Variants in SULF1 observed in about 807,000 individuals in gnomAD.
SULF1 encodes the protein extracellular sulfatase Sulf-1.
Under a neutral mutation model 110.5 loss-of-function variants are expected in SULF1, and 46 were observed. The ratio of observed to expected loss-of-function variants is 0.42; its 90% confidence interval spans 0.33 to 0.53. SULF1 has a LOEUF of 0.53. SULF1 is among the 20% of genes least tolerant of loss of function. SULF1 has a pLI of 0.12. For missense variants in SULF1, 941 were observed against 1,094.2 expected, an observed-to-expected ratio of 0.86 and a Z score of 1.98; for synonymous variants, 371 against 387.1, an observed-to-expected ratio of 0.96 and a Z score of 0.49.
At chr8:69,621,860 C>G (rs958602392) in intron 14 of SULF1, among the ~76,000 whole-genome samples, 2 of 152,110 alleles carry the variant, frequency 1.3e-5, no homozygotes, top group Non-Finnish European at 2.9e-5. Context: ...TGTGAAAATC[C>G]ACGGGCTGAC....
At chr8:69,521,841 TAAA>T (rs75983618) in intron 3 of SULF1, among the ~76,000 whole-genome samples, 17 of 110,144 alleles carry the variant, frequency 1.5e-4, no homozygotes, top group Non-Finnish European at 1.4e-4. Flanking sequence ...TGGGCCAAGG[TAAA>T]AAAAAAAAAA....
Position 69,629,679 on chromosome 8 carries a change from CG to C in SULF1, c.2284+1del, listed in dbSNP as rs767992951. ...CTGGCAGACAGCCCCGTTCTGGAAC[CG>C]TAAGTTGCTTGTTCCAAATGCCACT... On this transcript the variant is annotated splice_donor_variant, in intron 19 of 22. Transcript: ENST00000402687. LOFTEE classifies it high-confidence loss of function. The C allele has an allele frequency of 6.3e-7, 1 of 1,596,896 alleles. No individual in the cohort carries two copies. Among genetic ancestry groups the C allele is most frequent in the South Asian group, 1.1e-5 (1 of 88,472 alleles).
chr8:69,563,818 G>A, intron 4 of SULF1, 98 bp from the exon 5 acceptor site: 1 of 683,328 alleles, frequency 1.5e-6, no homozygotes. Context: ...CAGCTTATGT[G>A]CCAATACTGA....
chr8:69,601,688 A>T lies in SULF1; in HGVS notation c.920A>T (p.Glu307Val). Residue 307 changes from glutamate to valine, a missense_variant, in exon 10 of 23, where the codon GAG becomes GTG. Glu to Val is a moderately radical substitution (Grantham distance 121). Coordinates refer to ENST00000402687, the MANE Select transcript of SULF1 (RefSeq NM_001128205.2). ...YNMLVETGEL[E>V]NTYIIYTADH... ...ATGCTCGTGGAGACGGGGGAGCTGG[A>T]GAATACTTACATCATTTACACCGCC... 1 of 1,612,578 alleles carries T rather than the reference A, an allele frequency of 6.2e-7. No individual in the cohort carries two copies. Among genetic ancestry groups the T allele is most frequent in the Non-Finnish European group, 8.5e-7 (1 of 1,179,392 alleles).
In SULF1 at chr8:69,659,142, A is replaced by G. The variant is rs959362867; in HGVS notation, c.*607A>G. 8.8e-6 allele frequency: 4 copies of G among 456,668 alleles called. No homozygotes were observed. The highest frequency in any genetic ancestry group is 6.9e-5 in the East Asian group (1 of 14,412). The allele number at this position is 456,668 out of a possible 1,614,324, so 28.3% of individuals were successfully genotyped here. A position where few individuals can be genotyped will look rare whatever the true frequency, so the allele number is the denominator to read the frequency against. On this transcript the variant is annotated 3_prime_UTR_variant, in exon 23 of 23. Coordinates refer to ENST00000402687, the MANE Select transcript of SULF1 (RefSeq NM_001128205.2). ...GAAAGGACATTTTTGAAGATCAACTATATCTTCCTGTGCATTCCGATGGAA... is the reference window on the plus strand; with the variant it reads ...GAAAGGACATTTTTGAAGATCAACTGTATCTTCCTGTGCATTCCGATGGAA...
intron 13 of SULF1, among the ~76,000 whole-genome samples, chr8:69,619,238 C>T (rs915125062): frequency 1.2e-4 from 18 of 152,014 alleles, no homozygotes; most frequent in African/African-American, 4.3e-4. Flanking sequence ...AGAAAAGTTT[C>T]AGTAGATAAT....
chr8:69,651,301 C>A (rs1458036843), intron 22 of SULF1, among the ~76,000 whole-genome samples: 1 of 152,094 alleles, frequency 6.6e-6, no homozygotes, highest in East Asian at 1.9e-4. Context: ...GATCCGCCCA[C>A]CTCAGCCTTC....
chr8:69,616,082 A>C (rs1289054859), intron 13 of SULF1, among the ~76,000 whole-genome samples: 1 of 138,114 alleles, frequency 7.2e-6, no homozygotes, highest in Non-Finnish European at 1.6e-5. Context: ...GTGTATATAT[A>C]ATGTGTATAT....
chr8:69,501,721 G>A (rs1022377163), intron 2 of SULF1, among the ~76,000 whole-genome samples, 153 bp from the exon 3 acceptor site: 7 of 152,164 alleles, frequency 4.6e-5, no homozygotes, highest in Non-Finnish European at 8.8e-5. Flanking sequence ...AGACTCTTGC[G>A]AGTGATTGTA....
chr8:69,506,251 C>CACAA (rs1174427180), intron 3 of SULF1, among the ~76,000 whole-genome samples: 14 of 152,192 alleles, frequency 9.2e-5, no homozygotes, highest in African/African-American at 3.4e-4. Context: ...CACACACACA[C>CACAA]ACACACACAA....
intron 5 of SULF1, among the ~76,000 whole-genome samples, chr8:69,575,319 C>G (rs1273845517): frequency 6.6e-6 from 1 of 151,888 alleles, no homozygotes; most frequent in Non-Finnish European, 1.5e-5. Context: ...AGCTCTTTCA[C>G]AAGCAAACAG....
intron 3 of SULF1, among the ~76,000 whole-genome samples, chr8:69,547,609 A>G (rs1417786516): frequency 1.3e-5 from 2 of 152,140 alleles, no homozygotes; most frequent in Non-Finnish European, 2.9e-5. Context: ...GGGTAATATC[A>G]ACTCACAGAG....
chr8:69,524,105 G>A (rs1812506464), intron 3 of SULF1, among the ~76,000 whole-genome samples: 1 of 152,008 alleles, frequency 6.6e-6, no homozygotes, highest in South Asian at 2.1e-4. Flanking sequence ...TAAGATTAGA[G>A]ATAAGAAAGC....
At chr8:69,572,633 TGA>T (rs1231494049) in intron 5 of SULF1, among the ~76,000 whole-genome samples, 1 of 152,162 alleles carries the variant, frequency 6.6e-6, no homozygotes, top group Non-Finnish European at 1.5e-5. Flanking sequence ...TGAGATTCAC[TGA>T]GAGGCAGCTT....
chr8:69,513,509 C>G (rs1389381393), intron 3 of SULF1, among the ~76,000 whole-genome samples: 1 of 152,230 alleles, frequency 6.6e-6, no homozygotes, highest in African/African-American at 2.4e-5. Flanking sequence ...CAAAGTATTA[C>G]TGTGGAAGAC....
chr8:69,554,706 G>A (rs72658259), intron 3 of SULF1, among the ~76,000 whole-genome samples: 13,236 of 151,714 alleles, frequency 0.087, 924 homozygotes, highest in East Asian at 0.23. Flanking sequence ...TTGGTGAGTC[G>A]CCGTGGCTCA....
intron 22 of SULF1, among the ~76,000 whole-genome samples, chr8:69,651,391 T>C (rs1436456768): frequency 1.3e-5 from 2 of 152,154 alleles, no homozygotes; most frequent in Non-Finnish European, 2.9e-5. Flanking sequence ...TGTAGAGATA[T>C]GTCTAATTGA....
chr8:69,504,562 A>G (rs374783625), intron 3 of SULF1, among the ~76,000 whole-genome samples: 4 of 152,342 alleles, frequency 2.6e-5, no homozygotes, highest in African/African-American at 7.2e-5. Context: ...CTCTGAATAA[A>G]TAAATAAATA....
chr8:69,539,718 G>A (rs780015081), intron 3 of SULF1, among the ~76,000 whole-genome samples: 35 of 152,192 alleles, frequency 2.3e-4, no homozygotes, highest in Admixed American at 4.6e-4. Flanking sequence ...CGATTTCTAC[G>A]GAAGAGAAGT....
Sources: allele counts gnomAD v4.1 joint callset (sites outside exome capture counted in the v4.1 genomes callset), GRCh38; gene constraint gnomAD v4.1.1; transcripts MANE v1.5; gene names NCBI Gene and HGNC (gene_info 2026-07-23, HGNC 2026-07-21).